CYP2C19: variants seen among roughly 807,000 people sequenced by gnomAD.
The protein encoded by CYP2C19 is cytochrome P450 2C19.
Under a neutral mutation model 40.9 loss-of-function variants are expected in CYP2C19, and 59 were observed. The ratio of observed to expected loss-of-function variants is 1.44; its 90% CI spans 1.17 to 1.79. The LOEUF is 1.79. Ranked by LOEUF, CYP2C19 falls within the 40% of genes most tolerant of loss-of-function variation. The pLI is 0.00. For missense variants in CYP2C19, 754 were observed against 596.9 expected, an observed-to-expected ratio of 1.26 and a Z score of -2.74; for synonymous variants, 253 against 208.7, an observed-to-expected ratio of 1.21 and a Z score of -1.83.
intron 7 of CYP2C19, 106 bp from the exon 8 acceptor site, chr10:94,849,811 T>C (rs4917623): frequency 0.51 from 688,591 of 1,342,868 alleles, 182,700 homozygotes; most frequent in Admixed American, 0.67. Context: ...TTTGGAATGG[T>C]GTTTCATCAT....
chr10:94,782,959 A>G (rs1848498181), intron 5 of CYP2C19, among the ~76,000 whole-genome samples: 1 of 152,008 alleles, frequency 6.6e-6, no homozygotes, highest in Non-Finnish European at 1.5e-5. Context: ...GGGCCTGTCA[A>G]GGGGTGGAGG....
chr10:94,779,125 G>A (rs1280746370), intron 3 of CYP2C19, among the ~76,000 whole-genome samples: 8 of 151,966 alleles, frequency 5.3e-5, no homozygotes, highest in Admixed American at 4.6e-4. Flanking sequence ...GGGTTGGGGG[G>A]CAAGGGGAGG....
At chr10:94,836,452 G>A (rs545001513) in intron 6 of CYP2C19, among the ~76,000 whole-genome samples, 4 of 152,310 alleles carry the variant, frequency 2.6e-5, no homozygotes, top group East Asian at 1.9e-4. Context: ...TTAACACTGA[G>A]TCTTGGGTTA....
chr10:94,762,995 G>C, intron 1 of CYP2C19, 122 bp downstream of exon 1: 1 of 1,033,912 alleles, frequency 9.7e-7, no homozygotes, highest in Non-Finnish European at 1.5e-6. Context: ...TACTTTGAAA[G>C]GCTTTTGTTG....
At chr10:94,797,681 C>T (rs1848708204) in intron 5 of CYP2C19, among the ~76,000 whole-genome samples, 1 of 151,992 alleles carries the variant, frequency 6.6e-6, no homozygotes, top group South Asian at 2.1e-4. Context: ...TGTTATTAAT[C>T]TATTCAGAGT....
chr10:94,851,685 T>G (rs998569711), intron 8 of CYP2C19, among the ~76,000 whole-genome samples: 6 of 152,018 alleles, frequency 3.9e-5, no homozygotes, highest in African/African-American at 9.7e-5. Context: ...TAATACCCCC[T>G]CTGTATCCTC....
chr10:94,826,740 T>C (rs996403078), intron 6 of CYP2C19, among the ~76,000 whole-genome samples: 3 of 152,202 alleles, frequency 2.0e-5, no homozygotes, highest in Non-Finnish European at 4.4e-5. Flanking sequence ...TTGTGCCAGT[T>C]TTCAAAGGGA....
chr10:94,852,242 A>AG (rs17884928), intron 8 of CYP2C19, among the ~76,000 whole-genome samples: 25,219 of 151,978 alleles, frequency 0.17, 2,294 homozygotes, highest in South Asian at 0.33. Flanking sequence ...TTTTAAAGTG[A>AG]GGGGGTAACA....
chr10:94,805,695 G>T (rs1848825487), intron 5 of CYP2C19, among the ~76,000 whole-genome samples: 1 of 152,200 alleles, frequency 6.6e-6, no homozygotes, highest in East Asian at 1.9e-4. Context: ...ACCAGCCTGG[G>T]CAACATGGTG....
At chr10:94,805,854 C>A (rs1399908495) in intron 5 of CYP2C19, among the ~76,000 whole-genome samples, 1 of 152,184 alleles carries the variant, frequency 6.6e-6, no homozygotes, top group African/African-American at 2.4e-5. Context: ...CTATCACATT[C>A]TTTGAGGTCT....
In CYP2C19 at chr10:94,775,166, G is replaced by T. The variant is rs1848389627; in HGVS notation, c.277G>T (p.Glu93Ter). The T allele has an allele frequency of 2.5e-6, 4 of 1,614,086 alleles. No homozygotes were observed. The highest frequency in any genetic ancestry group is 3.4e-6 in the Non-Finnish European group (4 of 1,180,020). ...GGAAGCCCTGATTGATCTTGGAGAG[G>T]AGTTTTCTGGAAGAGGCCATTTCCC... ...VKEALIDLGE[E>*]FSGRGHFPLA... Residue 93 changes from glutamate to a stop codon, truncating the protein, a stop_gained, in exon 2 of 9, where the codon GAG becomes TAG. Coordinates refer to ENST00000371321, the MANE Select transcript of CYP2C19 (RefSeq NM_000769.4). LOFTEE classifies it high-confidence loss of function.
chr10:94,804,306 C>T (rs1297663550), intron 5 of CYP2C19, among the ~76,000 whole-genome samples: 1 of 152,156 alleles, frequency 6.6e-6, no homozygotes, highest in Non-Finnish European at 1.5e-5. Flanking sequence ...TGTGGGAGGG[C>T]CCAATTCCAG....
At chr10:94,843,157 C>T (rs1207296879) in intron 7 of CYP2C19, 133 bp downstream of exon 7, 4 of 1,087,200 alleles carry the variant, frequency 3.7e-6, no homozygotes, top group Non-Finnish European at 5.5e-6. Context: ...ATTGGACTTT[C>T]TGTTGATTCC....
Position 94,765,848 on chromosome 10 carries a change from C to T in CYP2C19, c.168+2975C>T, listed in dbSNP as rs111370104. Among the ~76,000 whole-genome samples the T allele has an allele frequency of 5.6e-3, 852 of 152,172 alleles. 13 individuals are homozygous for T. Among genetic ancestry groups the T allele is most frequent in the African/African-American group, 0.019 (781 of 41,524 alleles). ...GGCTTGAAGTTGTAGGGTGTAATTACACTGATGGGGTAGTAGGTGCCTCAG... is the reference window on the plus strand; with the variant it reads ...GGCTTGAAGTTGTAGGGTGTAATTATACTGATGGGGTAGTAGGTGCCTCAG... On this transcript the variant is annotated intron_variant, in intron 1 of 8. Transcript: ENST00000371321.
At chr10:94,835,291 G>A (rs541826288) in intron 6 of CYP2C19, among the ~76,000 whole-genome samples, 1 of 152,272 alleles carries the variant, frequency 6.6e-6, no homozygotes, top group African/African-American at 2.4e-5. Flanking sequence ...TTGGCCATCT[G>A]ATGGGTGCTA....
chr10:94,830,224 A>C (rs112910448), intron 6 of CYP2C19, among the ~76,000 whole-genome samples: 15,113 of 152,244 alleles, frequency 0.099, 992 homozygotes, highest in African/African-American at 0.18. Context: ...GTAATCAAGC[A>C]TGGGCAATGG....
intron 5 of CYP2C19, among the ~76,000 whole-genome samples, chr10:94,786,029 T>A (rs1380471987): frequency 6.6e-6 from 1 of 152,096 alleles, no homozygotes; most frequent in Non-Finnish European, 1.5e-5. Context: ...TAAAATCTGC[T>A]GTGGTCCGCC....
intron 6 of CYP2C19, among the ~76,000 whole-genome samples, chr10:94,822,111 A>T (rs975154656): frequency 6.6e-6 from 1 of 152,132 alleles, no homozygotes; most frequent in Admixed American, 6.5e-5. Flanking sequence ...GTGCTGCAAA[A>T]GACATGATTT....
At chr10:94,769,984 T>G (rs1844119568) in intron 1 of CYP2C19, among the ~76,000 whole-genome samples, 1 of 152,130 alleles carries the variant, frequency 6.6e-6, no homozygotes, top group South Asian at 2.1e-4. Context: ...GTCTCCCAAT[T>G]ACAACTGAGG....
Sources: gnomAD v4.1 joint callset for allele counts (sites outside exome capture counted in the v4.1 genomes callset) on GRCh38, gnomAD v4.1.1 for gene constraint, MANE v1.5 for transcripts, NCBI Gene and HGNC (gene_info 2026-07-23, HGNC 2026-07-21) for gene names.